The following ITGB7 variants were observed in gnomAD, a reference collection of about 807,000 sequenced individuals.
The protein encoded by ITGB7 is integrin beta-7.
In ITGB7, 55 loss-of-function variants were observed where a neutral mutation model predicts 83.4. That is an observed-to-expected ratio of 0.66 (90% CI 0.53 to 0.83). ITGB7 has a LOEUF of 0.83. Ranked by LOEUF, ITGB7 falls within the 40% of genes least tolerant of loss-of-function variation. The probability of loss-of-function intolerance (pLI) is 0.00; values close to 1 mark genes in which losing one functional copy is unlikely to be tolerated. For synonymous variants in ITGB7, 454 were observed against 423.6 expected (o/e 1.07, Z -0.88); for missense variants, 921 against 1,046.7 (o/e 0.88, Z 1.66).
chr12:53,200,008 T>C (rs1942285841), intron 3 of ITGB7, among the ~76,000 whole-genome samples: 1 of 152,080 alleles, frequency 6.6e-6, no homozygotes, highest in Non-Finnish European at 1.5e-5. Context: ...CACAAGCAAA[T>C]GGATACAGAC....
intron 7 of ITGB7, 107 bp downstream of exon 7, chr12:53,195,934 G>T: frequency 7.7e-7 from 1 of 1,303,538 alleles, no homozygotes; most frequent in Non-Finnish European, 1.1e-6. Flanking sequence ...ATGGCAGGGT[G>T]TCTACAGGGT....
chr12:53,205,634 T>C (rs1465093023), intron 1 of ITGB7, among the ~76,000 whole-genome samples: 1 of 152,146 alleles, frequency 6.6e-6, no homozygotes, highest in Non-Finnish European at 1.5e-5. Context: ...GAAATATATA[T>C]ATATAGGTGG....
intron 5 of ITGB7, 180 bp downstream of exon 5, chr12:53,197,313 G>T: frequency 1.4e-6 from 1 of 710,514 alleles, no homozygotes; most frequent in Non-Finnish European, 2.6e-6. Flanking sequence ...GTCCTCTCCA[G>T]CTCTGACCTA....
chr12:53,194,616 T>G (rs1439908899), intron 9 of ITGB7: 2 of 391,482 alleles, frequency 5.1e-6, no homozygotes, highest in Non-Finnish European at 9.6e-6. Context: ...GTGCTGTAAA[T>G]GTACAGAGAC....
chr12:53,194,315 G>A lies in ITGB7; in HGVS notation c.1191C>T (p.His397=), dbSNP rs1260355640. ...TGTGGACCCCAGGAGGGAGTGAAGA[G>A]TGTTCAAGGGTCACGGTGGAAGACA... ...NSLSSTVTLE[H]SSLPPGVHIS... Residue 397 remains histidine, a synonymous_variant, in exon 10 of 16, where the codon CAC becomes CAT. Coordinates refer to ENST00000267082, the MANE Select transcript of ITGB7 (RefSeq NM_000889.3). The A allele has an allele frequency of 2.5e-6, 4 of 1,614,062 alleles. No homozygotes were observed. The highest frequency in any genetic ancestry group is 3.4e-6 in the Non-Finnish European group (4 of 1,179,984).
Position 53,197,680 on chromosome 12 carries a change from G to T in ITGB7, c.404-17C>A. 6.2e-7 allele frequency: 1 copy of T among 1,611,574 alleles called. No homozygotes were observed. Among genetic ancestry groups the T allele is most frequent in the Non-Finnish European group, 8.5e-7 (1 of 1,178,974 alleles). Reference sequence around the variant, plus strand: ...GGGGCTCCCCTAGGGGGTGGGCGGCGGGCGGGTCAGCAGAGCGCATTGGAA... The same window carrying T: ...GGGGCTCCCCTAGGGGGTGGGCGGCTGGCGGGTCAGCAGAGCGCATTGGAA... On this transcript the variant is annotated splice_polypyrimidine_tract_variant and intron_variant, in intron 4 of 15. Transcript: ENST00000267082.
chr12:53,196,458 T>C lies in ITGB7; in HGVS notation c.816+121A>G, dbSNP rs1167396028. Reference sequence around the variant, plus strand: ...CAACCCACCAGGTAATTGCTAAATATACAAACTACAGCAACTATGGTATGA... The same window carrying C: ...CAACCCACCAGGTAATTGCTAAATACACAAACTACAGCAACTATGGTATGA... On this transcript the variant is annotated intron_variant, in intron 6 of 15. Transcript: ENST00000267082. The C allele has an allele frequency of 1.2e-5, 16 of 1,353,206 alleles. No individual in the cohort carries two copies. The East Asian group carries it at 3.4e-4, about 29-fold the overall frequency. 83.8% of individuals were successfully genotyped at this position (1,353,206 alleles called of 1,614,324 possible).
At chr12:53,202,509 C>A (rs1010261401) in intron 1 of ITGB7, among the ~76,000 whole-genome samples, 11 of 151,996 alleles carry the variant, frequency 7.2e-5, no homozygotes, top group South Asian at 2.1e-4. Flanking sequence ...CATGCGCCAC[C>A]ACACCCGACT....
rs753242237 is a variant in ITGB7, at chr12:53,197,498, C to G, written c.569G>C (p.Arg190Pro). ...GGAGGCAGCGCTCGGCTCACCAATG[C>G]GCACAGAATGGGTGACTTCCTGCAG... ...VRLQEVTHSV[R>P]IGFGSFVDKT... is the part of the protein sequence containing the mutation. Residue 190 changes from arginine (R) to proline (P), a missense_variant, in exon 5 of 16, where the codon CGC becomes CCC. By Grantham distance (103) the Arg-to-Pro change is moderately radical. Transcript: ENST00000267082. 6.2e-7 allele frequency: 1 copy of G among 1,614,150 alleles called. No individual in the cohort carries two copies. The highest frequency in any genetic ancestry group is 1.1e-5 in the South Asian group (1 of 91,090).
In ITGB7 at chr12:53,196,776, T is replaced by G. The variant is rs759611936; in HGVS notation, c.619A>C (p.Thr207Pro). The change falls in exon 6 of 16, where the codon ACA becomes CCA. Residue 207 changes from threonine to proline, a missense_variant. Physicochemically the swap from Thr to Pro is conservative, Grantham distance 38. Transcript: ENST00000267082. The stretch of plus-strand genomic sequence containing the variant: ...GGGTGGCGCAGTTTGGAGGGTACTG[T>G]GCTCACAAAGGGCAGCACCGTTTTG... ...VDKTVLPFVS[T>P]VPSKLRHPCP... 2 of 1,611,654 alleles carry G rather than the reference T, an allele frequency of 1.2e-6. No individual in the cohort carries two copies. Among genetic ancestry groups the G allele is most frequent in the East Asian group, 2.2e-5 (1 of 44,758 alleles).
intron 1 of ITGB7, among the ~76,000 whole-genome samples, chr12:53,204,473 G>A (rs1291893960): frequency 6.6e-6 from 1 of 151,696 alleles, no homozygotes; most frequent in African/African-American, 2.4e-5. Context: ...ATTCATGAAA[G>A]GTCACATATT....
At position 53,200,118 on chromosome 12, in the gene ITGB7, T is replaced by A; in HGVS notation, c.201+125A>T. 6 of 806,804 alleles carry A rather than the reference T, an allele frequency of 7.4e-6. No homozygotes were observed. The South Asian group carries it at 9.9e-5, about 13-fold the overall frequency. The allele number at this position is 806,804 out of a possible 1,614,324, so 50.0% of individuals were successfully genotyped here. ...GCACAAACTCAGTCACACATGAGAC[T>A]GTGGAGTGTTCCCAGAAAATCATAC... On this transcript the variant is annotated intron_variant, in intron 3 of 15. Coordinates refer to ENST00000267082, the MANE Select transcript of ITGB7 (RefSeq NM_000889.3).
chr12:53,195,792 A>G, intron 7 of ITGB7, 71 bp from the exon 8 acceptor site: 1 of 1,315,092 alleles, frequency 7.6e-7, no homozygotes, highest in Non-Finnish European at 1.1e-6. Flanking sequence ...CCCTCAGCCC[A>G]GGGAATCCAG....
rs11574537 is a variant in ITGB7 at position 53,196,758 on chromosome 12, G to A, written c.637C>T (p.Arg213Cys). ...TCCAGCCGGGTGGGGCAGGGGTGGC[G>A]CAGTTTGGAGGGTACTGTGCTCACA... ...PFVSTVPSKL[R>C]HPCPTRLERC... Residue 213 changes from arginine (R) to cysteine (C), a missense_variant, in exon 6 of 16, where the codon CGC becomes TGC. Arg to Cys is a radical substitution (Grantham distance 180, BLOSUM62 -3). Coordinates refer to ENST00000267082, the MANE Select transcript of ITGB7 (RefSeq NM_000889.3). 1.9e-6 allele frequency: 3 copies of A among 1,613,554 alleles called. No homozygotes were observed. Among genetic ancestry groups the A allele is most frequent in the African/African-American group, 1.3e-5 (1 of 74,926 alleles).
At position 53,196,662 on chromosome 12, in the gene ITGB7, C is replaced by G. The variant is rs1942172132; in HGVS notation, c.733G>C (p.Glu245Gln). The G allele has an allele frequency of 2.5e-6, 4 of 1,611,492 alleles. No individual in the cohort carries two copies. Among genetic ancestry groups the G allele is most frequent in the Non-Finnish European group, 3.4e-6 (4 of 1,178,796 alleles). The change falls in exon 6 of 16, where the codon GAG (glutamate) becomes CAG (glutamine). Residue 245 changes from glutamate (E) to glutamine (Q), a missense_variant. Transcript: ENST00000267082. ...LTGDAQAFER[E>Q]VGRQSVSGNL... ...CCGGACACACTCTGGCGCCCCACCTCCCGCTCGAAGGCTTGTGCGTCCCCC... is the reference window on the plus strand; with the variant it reads ...CCGGACACACTCTGGCGCCCCACCTGCCGCTCGAAGGCTTGTGCGTCCCCC...
intron 11 of ITGB7, 151 bp downstream of exon 11, chr12:53,193,557 A>G (rs970622858): frequency 7.7e-6 from 6 of 778,536 alleles, no homozygotes; most frequent in Non-Finnish European, 1.2e-5. Flanking sequence ...GGGCCTGGAC[A>G]TACATGGGAA....
At chr12:53,196,357 C>A in intron 6 of ITGB7, 158 bp from the exon 7 acceptor site, 1 of 1,018,908 alleles carries the variant, frequency 9.8e-7, no homozygotes, top group Non-Finnish European at 1.4e-6. Flanking sequence ...TCTCCAGCCC[C>A]CTAAAGAAGG....
intron 6 of ITGB7, 26 bp from the exon 7 acceptor site, chr12:53,196,225 T>C (rs1276264251): frequency 9.9e-6 from 16 of 1,610,634 alleles, no homozygotes; most frequent in African/African-American, 1.3e-5. Context: ...GGTGGTAGGC[T>C]ATGCACCTGG....
At chr12:53,195,300 ACCCCACCCAAGGG>A in intron 9 of ITGB7, 61 bp downstream of exon 9, 1 of 1,053,248 alleles carries the variant, frequency 9.5e-7, no homozygotes, top group Non-Finnish European at 1.5e-6. Context: ...TAGTTCTGCC[ACCCCACCCAAGGG>A]CCCCTTTCCA....
Sources: gnomAD v4.1 joint callset for allele counts (sites outside exome capture counted in the v4.1 genomes callset) on GRCh38, gnomAD v4.1.1 for gene constraint, MANE v1.5 for transcripts, NCBI Gene and HGNC (gene_info 2026-07-23, HGNC 2026-07-21) for gene names.